The following TRIP13 variants were observed in gnomAD, a reference collection of about 807,000 sequenced individuals.
TRIP13 encodes thyroid hormone receptor interactor 13.
In TRIP13, 25 loss-of-function variants were observed where a neutral mutation model predicts 54.4. The observed-to-expected ratio is 0.46, with a 90% CI of 0.33 to 0.64. TRIP13 has a LOEUF of 0.64. Ranked by LOEUF, TRIP13 falls within the 30% of genes least tolerant of loss-of-function variation. The pLI, the probability that TRIP13 is intolerant of heterozygous loss-of-function variation, is 0.02. For missense variants in TRIP13, 373 were observed against 534.2 expected, an observed-to-expected ratio of 0.70 and a Z score of 2.97; for synonymous variants, 207 against 207.8, an observed-to-expected ratio of 1.00 and a Z score of 0.03.
chr5:894,518 G>A (rs1451349105), intron 1 of TRIP13, among the ~76,000 whole-genome samples: 3 of 152,138 alleles, frequency 2.0e-5, no homozygotes, highest in African/African-American at 7.2e-5. Flanking sequence ...GTGTATTAAT[G>A]ACTTCACAGT....
chr5:895,871 A>G (rs1386028035), intron 2 of TRIP13, among the ~76,000 whole-genome samples: 4 of 152,234 alleles, frequency 2.6e-5, no homozygotes, highest in Non-Finnish European at 5.9e-5. Context: ...AATTTGAAAT[A>G]TTTTAACTGT....
chr5:901,709 T>G (rs558216676), intron 5 of TRIP13, among the ~76,000 whole-genome samples: 1 of 152,284 alleles, frequency 6.6e-6, no homozygotes, highest in Non-Finnish European at 1.5e-5. Flanking sequence ...CTTCCTGGGT[T>G]CCTCCCAGGT....
intron 6 of TRIP13, 55 bp downstream of exon 6, chr5:904,275 A>T (rs2150685761): frequency 7.1e-6 from 10 of 1,414,136 alleles, no homozygotes; most frequent in Non-Finnish European, 9.6e-6. Context: ...TTATAACGGG[A>T]GGTTGTTTTT....
rs1473637767 is a variant in TRIP13, at chr5:913,332, A to C, written c.1021-1133A>C. Among the ~76,000 whole-genome samples the C allele has an allele frequency of 6.6e-6, 1 of 152,064 alleles. No homozygotes were observed. Among genetic ancestry groups the C allele is most frequent in the African/African-American group, 2.4e-5 (1 of 41,390 alleles). ...CTAAGAGGGATGGACTTTTTCTGGG[A>C]CAGTGTAGGACAGGGGTAGTTTTTT... is the stretch of plus-strand genomic sequence containing the variant. On this transcript the variant is annotated intron_variant, in intron 10 of 12. Transcript: ENST00000166345. The surrounding 1 kb of genome is among the most constrained non-coding windows in gnomAD (Gnocchi z 4.5).
chr5:901,899 A>C (rs992622791), intron 5 of TRIP13, among the ~76,000 whole-genome samples: 2 of 152,220 alleles, frequency 1.3e-5, no homozygotes, highest in African/African-American at 4.8e-5. Flanking sequence ...CTGGGATTAC[A>C]GGCTTGAGCC....
At position 907,160 on chromosome 5, in the gene TRIP13, C is replaced by T. The variant is rs568450907; in HGVS notation, c.639C>T (p.Asn213=). The T allele has an allele frequency of 2.5e-5, 40 of 1,614,060 alleles. No individual in the cohort carries two copies. In the South Asian group the frequency reaches 4.1e-4, roughly 16 times the overall value. Residue 213 remains asparagine (N), a synonymous_variant, in exon 7 of 13, where the codon AAC becomes AAT. Transcript: ENST00000166345. This position sits in a 1 kb window ranked among gnomAD's most constrained non-coding sequence, Gnocchi z 4.1. ...GATATGGCCAATTAATTGAAATAAA[C>T]AGCCACAGCCTCTTTTCTAAGTGGT... ...RYRYGQLIEI[N]SHSLFSKWFS...
At chr5:893,342 C>T (rs1753746424) in intron 1 of TRIP13, among the ~76,000 whole-genome samples, 1 of 151,746 alleles carries the variant, frequency 6.6e-6, no homozygotes. Context: ...ACAGATTGAG[C>T]CCCGACCCGA....
chr5:904,916 C>T (rs1371017645), intron 6 of TRIP13, among the ~76,000 whole-genome samples: 3 of 152,152 alleles, frequency 2.0e-5, no homozygotes, highest in Admixed American at 1.3e-4. Flanking sequence ...GTTCTGTCTG[C>T]TAATTCCATC....
At chr5:893,170 C>A in intron 1 of TRIP13, 80 bp downstream of exon 1, 1 of 1,351,450 alleles carries the variant, frequency 7.4e-7, no homozygotes, top group Non-Finnish European at 1.0e-6. Context: ...CCGACCCCAG[C>A]GCACTGATTC....
At chr5:905,541 G>C (rs2150686539) in intron 6 of TRIP13, among the ~76,000 whole-genome samples, 1 of 152,242 alleles carries the variant, frequency 6.6e-6, no homozygotes, top group South Asian at 2.1e-4. Context: ...GCTCCACTTG[G>C]GCTCCCTCCC....
chr5:899,921 A>G (rs1389691623), intron 3 of TRIP13, among the ~76,000 whole-genome samples: 2 of 143,380 alleles, frequency 1.4e-5, no homozygotes, highest in Non-Finnish European at 3.0e-5. Flanking sequence ...TCATTCAGTC[A>G]GTGTGTGGGG....
In TRIP13 at chr5:894,823, A is replaced by G; in HGVS notation, c.129A>G (p.Arg43=). 6.2e-7 allele frequency: 1 copy of G among 1,612,098 alleles called. No individual in the cohort carries two copies. Among genetic ancestry groups the G allele is most frequent in the Non-Finnish European group, 8.5e-7 (1 of 1,179,396 alleles). ...AKKEDINLSV[R]KLLNRHNIVF... is the part of the protein sequence containing the mutation. ...AAGAAGACATAAACCTGAGTGTTAG[A>G]AAGCTACTCAACAGACATAATATTG... The change falls in exon 2 of 13, where the codon AGA becomes AGG. Residue 43 remains arginine (R), a synonymous_variant. Coordinates refer to ENST00000166345, the MANE Select transcript of TRIP13 (RefSeq NM_004237.4).
In TRIP13 at chr5:902,189, G is replaced by T. The variant is rs373172299; in HGVS notation, c.535+758G>T. Among the ~76,000 whole-genome samples, 14 of 152,238 alleles carry T rather than the reference G, an allele frequency of 9.2e-5. No individual in the cohort carries two copies. In the South Asian group the frequency reaches 2.1e-3, roughly 23 times the overall value. ...AGAAAATACTGATGGTTTGTTGTTT[G>T]GTTTTGTTTTGTTTTGTTGTCAATA... On this transcript the variant is annotated intron_variant, in intron 5 of 12. Transcript: ENST00000166345.
In TRIP13 at chr5:908,215, C is replaced by A; in HGVS notation, c.760-140C>A. On this transcript the variant is annotated intron_variant, in intron 8 of 12. Coordinates refer to ENST00000166345, the MANE Select transcript of TRIP13 (RefSeq NM_004237.4). This position sits in a 1 kb window ranked among gnomAD's most constrained non-coding sequence, Gnocchi z 5.2. The stretch of plus-strand genomic sequence containing the variant: ...CCTCCCTGCACTGTGCGCCTTTCCA[C>A]CTTGCCGCAGCATCCGCAGGCTAGG... 7.2e-7 allele frequency: 1 copy of A among 1,387,932 alleles called. No homozygotes were observed. The highest frequency in any genetic ancestry group is 1.0e-6 in the Non-Finnish European group (1 of 990,066). 86.0% of individuals were successfully genotyped at this position (1,387,932 alleles called of 1,614,324 possible).
rs746849905 is a variant in TRIP13, at chr5:894,874, G to A, written c.180G>A (p.Glu60=). The change falls in exon 2 of 13, where the codon GAG becomes GAA. Residue 60 remains glutamate, a synonymous_variant. Transcript: ENST00000166345. ...TGTTTGGTGATTACACATGGACTGA[G>A]TTTGATGAACCTTTTTTGACCAGAA... The part of the protein sequence containing the change: ...NIVFGDYTWT[E]FDEPFLTRNV... The A allele has an allele frequency of 6.2e-7, 1 of 1,614,098 alleles. No individual in the cohort carries two copies. Among genetic ancestry groups the A allele is most frequent in the South Asian group, 1.1e-5 (1 of 91,052 alleles).
chr5:895,886 C>T (rs1043270000), intron 2 of TRIP13, among the ~76,000 whole-genome samples: 1 of 152,146 alleles, frequency 6.6e-6, no homozygotes, highest in African/African-American at 2.4e-5. Flanking sequence ...AACTGTCCAC[C>T]AGAGGTCAGT....
chr5:907,220 G>A lies in TRIP13; in HGVS notation c.672+27G>A. 2 of 1,586,322 alleles carry A rather than the reference G, an allele frequency of 1.3e-6. No individual in the cohort carries two copies. Among genetic ancestry groups the A allele is most frequent in the Non-Finnish European group, 1.7e-6 (2 of 1,155,392 alleles). ...TAAGTATTAAATATTAATTCTAATT[G>A]TCTGGATTGTATAGCTGAAAAAATG... On this transcript the variant is annotated intron_variant, in intron 7 of 12. Coordinates refer to ENST00000166345, the MANE Select transcript of TRIP13 (RefSeq NM_004237.4). The surrounding 1 kb of genome is among the most constrained non-coding windows in gnomAD (Gnocchi z 4.1).
chr5:901,819 C>T (rs916148481), intron 5 of TRIP13, among the ~76,000 whole-genome samples: 4 of 152,126 alleles, frequency 2.6e-5, no homozygotes, highest in African/African-American at 9.7e-5. Context: ...GACGGGGTTT[C>T]ACCACGTTGA....
At chr5:904,769 T>C (rs1364394338) in intron 6 of TRIP13, among the ~76,000 whole-genome samples, 1 of 152,256 alleles carries the variant, frequency 6.6e-6, no homozygotes, top group Non-Finnish European at 1.5e-5. Context: ...TCGTCTAATC[T>C]GCTTTTAATT....
Sources: allele counts gnomAD v4.1 joint callset (sites outside exome capture counted in the v4.1 genomes callset), GRCh38; gene constraint gnomAD v4.1.1; non-coding constraint Gnocchi (gnomAD v3.1); transcripts MANE v1.5; gene names NCBI Gene and HGNC (gene_info 2026-07-23, HGNC 2026-07-21).